Variants in MYLIP observed in about 807,000 individuals in gnomAD.
MYLIP encodes the protein E3 ubiquitin-protein ligase MYLIP.
In MYLIP, 26 loss-of-function variants were observed where a neutral mutation model predicts 45.8. That is an observed-to-expected ratio of 0.57 (90% CI 0.42 to 0.79). The LOEUF (loss-of-function observed/expected upper bound fraction) is 0.79, where lower values mean the gene tolerates loss of function less well. Among genes scored for constraint, MYLIP ranks in the 30% least tolerant of loss-of-function variants. The probability of loss-of-function intolerance (pLI) is 0.00; values close to 1 mark genes in which losing one functional copy is unlikely to be tolerated. For missense variants in MYLIP, 494 were observed against 555.6 expected (o/e 0.89, Z 1.11); for synonymous variants, 213 against 218.1 (o/e 0.98, Z 0.21).
At chr6:16,155,891 G>A in the MYLIP span, among the ~76,000 whole-genome samples, 7 of 139,570 alleles carry the variant, frequency 5.0e-5, no homozygotes, top group South Asian at 1.1e-3. Context: ...AGGGTAGAAG[G>A]TCAGTGTGAC....
At chr6:16,156,852 A>G in the MYLIP span, among the ~76,000 whole-genome samples, 1 of 152,386 alleles carries the variant, frequency 6.6e-6, no homozygotes, top group Non-Finnish European at 1.5e-5. Context: ...TACAAGGGCC[A>G]GTATCATTCC....
rs1759424737 is a variant in MYLIP, at chr6:16,129,991, T to G, written c.88-566T>G. Among the ~76,000 whole-genome samples the G allele has an allele frequency of 1.3e-5, 2 of 152,204 alleles. No individual in the cohort carries two copies. Among genetic ancestry groups the G allele is most frequent in the Admixed American group, 1.3e-4 (2 of 15,286 alleles). ...CGGTTGTTTTTAAGCATGTGTTTCC[T>G]TAACAGTGAGGGAGATCGGTGCCAA... On this transcript the variant is annotated intron_variant, in intron 1 of 6. Coordinates refer to ENST00000356840, the MANE Select transcript of MYLIP (RefSeq NM_013262.4). The surrounding 1 kb of genome is among the most constrained non-coding windows in gnomAD (Gnocchi z 5.1).
chr6:16,160,136 A>T, the MYLIP span, among the ~76,000 whole-genome samples: 1 of 152,112 alleles, frequency 6.6e-6, no homozygotes, highest in Non-Finnish European at 1.5e-5. Flanking sequence ...TTGAGCATAA[A>T]CCTATCCACT....
intron 2 of MYLIP, among the ~76,000 whole-genome samples, chr6:16,133,025 G>A (rs1364574919): frequency 6.6e-6 from 1 of 152,206 alleles, no homozygotes; most frequent in South Asian, 2.1e-4. Context: ...GACAATTAAG[G>A]TAGCCAAGTT....
At chr6:16,140,748 T>C (rs2113546436) in intron 2 of MYLIP, among the ~76,000 whole-genome samples, 1 of 152,270 alleles carries the variant, frequency 6.6e-6, no homozygotes, top group Non-Finnish European at 1.5e-5. Flanking sequence ...GCTGGAAAGC[T>C]GGGGCCAGAT....
chr6:16,129,120 G>A lies in MYLIP; in HGVS notation c.-203G>A. ...GCTGGAGTGCGGCGCCACCGCGGAGGACAGGGGCAGCTGGCGGGCAGCGGG... is the reference window on the plus strand; with the variant it reads ...GCTGGAGTGCGGCGCCACCGCGGAGAACAGGGGCAGCTGGCGGGCAGCGGG... On this transcript the variant is annotated 5_prime_UTR_variant, in exon 1 of 7. Coordinates refer to ENST00000356840, the MANE Select transcript of MYLIP (RefSeq NM_013262.4). This position sits in a 1 kb window ranked among gnomAD's most constrained non-coding sequence, Gnocchi z 5.1. The A allele has an allele frequency of 1.7e-6, 1 of 579,076 alleles. No homozygotes were observed. The allele number at this position is 579,076 out of a possible 1,614,324, so 35.9% of individuals were successfully genotyped here.
chr6:16,162,749 T>C, the MYLIP span, among the ~76,000 whole-genome samples: 1 of 125,176 alleles, frequency 8.0e-6, no homozygotes, highest in South Asian at 2.4e-4. Flanking sequence ...CCAGGAGTTC[T>C]AGACCAGCCT....
intron 5 of MYLIP, among the ~76,000 whole-genome samples, chr6:16,144,188 T>C (rs1382408036): frequency 1.3e-5 from 2 of 152,136 alleles, no homozygotes; most frequent in Admixed American, 6.5e-5. Flanking sequence ...TAAGGGGTTA[T>C]TATTACCCTA....
chr6:16,151,120 C>T (rs1033598923), downstream of MYLIP, among the ~76,000 whole-genome samples: 8 of 151,788 alleles, frequency 5.3e-5, no homozygotes, highest in African/African-American at 1.7e-4. Context: ...GAGGCCGAGG[C>T]GGGTGGATCA....
intron 2 of MYLIP, among the ~76,000 whole-genome samples, chr6:16,140,596 C>T (rs4716048): frequency 2.6e-5 from 4 of 151,988 alleles, no homozygotes; most frequent in African/African-American, 7.2e-5. Context: ...CCAAGCAAGG[C>T]GACAGAAAGA....
At chr6:16,162,293 T>C in the MYLIP span, among the ~76,000 whole-genome samples, 1 of 152,344 alleles carries the variant, frequency 6.6e-6, no homozygotes, top group South Asian at 2.1e-4. Context: ...CAGACCAGAC[T>C]GAAAGATGGA....
At chr6:16,136,493 C>T (rs1759558931) in intron 2 of MYLIP, among the ~76,000 whole-genome samples, 1 of 152,118 alleles carries the variant, frequency 6.6e-6, no homozygotes, top group Non-Finnish European at 1.5e-5. Context: ...ATAATGAACA[C>T]CTGTTTTCCA....
intron 2 of MYLIP, among the ~76,000 whole-genome samples, chr6:16,132,598 AATAC>A (rs1256367431): frequency 6.6e-6 from 1 of 152,222 alleles, no homozygotes; most frequent in African/African-American, 2.4e-5. Context: ...GGTTGGCTGA[AATAC>A]ATAACTGACA....
At chr6:16,142,094 C>T (rs1352405282) in intron 3 of MYLIP, among the ~76,000 whole-genome samples, 3 of 152,300 alleles carry the variant, frequency 2.0e-5, no homozygotes, top group Non-Finnish European at 2.9e-5. Context: ...CCAGAGACAC[C>T]AGAGCATGAA....
At chr6:16,142,775 C>T (rs929991993) in intron 3 of MYLIP, among the ~76,000 whole-genome samples, 2 of 152,206 alleles carry the variant, frequency 1.3e-5, no homozygotes, top group Non-Finnish European at 2.9e-5. Context: ...TTCCATAATT[C>T]TTCCAATTCA....
intron 5 of MYLIP, 59 bp downstream of exon 5, chr6:16,143,922 A>G: frequency 6.4e-7 from 1 of 1,557,790 alleles, no homozygotes; most frequent in Non-Finnish European, 8.7e-7. Flanking sequence ...TTTAGGTGAC[A>G]ACCAGGTTTC....
Position 16,135,772 on chromosome 6 carries a change from T to TAG in MYLIP, c.278+5026_278+5027insGA, listed in dbSNP as rs1336994813. The stretch of plus-strand genomic sequence containing the variant: ...ACATATATCTATATATATATATATA[T>TAG]ATATATGTATGCTATATATTCTATA... On this transcript the variant is annotated intron_variant, in intron 2 of 6. Transcript: ENST00000356840. Among the ~76,000 whole-genome samples the TAG allele has an allele frequency of 1.5e-3, 226 of 146,826 alleles. 4 individuals are homozygous for TAG. Among genetic ancestry groups the TAG allele is most frequent in the Non-Finnish European group, 1.7e-3 (111 of 66,860 alleles).
chr6:16,145,395 G>A, intron 6 of MYLIP, 78 bp downstream of exon 6: 1 of 1,479,746 alleles, frequency 6.8e-7, no homozygotes, highest in South Asian at 1.3e-5. Flanking sequence ...GCCAGGTACT[G>A]GCTCGCTAAT....
intron 2 of MYLIP, among the ~76,000 whole-genome samples, chr6:16,135,637 T>C (rs1026053047): frequency 6.6e-6 from 1 of 151,802 alleles, no homozygotes; most frequent in African/African-American, 2.4e-5. Flanking sequence ...TAAGGGATTT[T>C]TACTAGTATT....
Sources: gnomAD v4.1 joint callset for allele counts (sites outside exome capture counted in the v4.1 genomes callset) on GRCh38, gnomAD v4.1.1 for gene constraint, Gnocchi (gnomAD v3.1) non-coding constraint, MANE v1.5 for transcripts, NCBI Gene and HGNC (gene_info 2026-07-23, HGNC 2026-07-21) for gene names.